The following SUPT3H variants were observed in gnomAD, a reference collection of about 807,000 sequenced individuals.
SUPT3H encodes SPT3 homolog, SAGA and STAGA complex component.
Under a neutral mutation model 44.3 loss-of-function variants are expected in SUPT3H, and 44 were observed. The observed-to-expected ratio is 0.99, with a 90% CI of 0.78 to 1.28. The LOEUF (loss-of-function observed/expected upper bound fraction) is 1.28, where lower values mean the gene tolerates loss of function less well. Among genes scored for constraint, SUPT3H ranks in the 50% most tolerant of loss-of-function variants. The pLI is 0.00. For synonymous variants in SUPT3H, 124 were observed against 125.6 expected, an observed-to-expected ratio of 0.99 and a Z score of 0.09; for missense variants, 380 against 387.1, an observed-to-expected ratio of 0.98 and a Z score of 0.15.
At chr6:45,049,390 A>G (rs969464855) in intron 3 of SUPT3H, among the ~76,000 whole-genome samples, 12 of 152,194 alleles carry the variant, frequency 7.9e-5, no homozygotes, top group African/African-American at 2.7e-4. Flanking sequence ...ACTCATTCAC[A>G]GGGATAAAAA....
chr6:45,034,211 G>T (rs1351883058), intron 3 of SUPT3H, among the ~76,000 whole-genome samples: 3 of 151,952 alleles, frequency 2.0e-5, no homozygotes, highest in African/African-American at 7.3e-5. Context: ...GGATTAAGGG[G>T]GAATTAGCTG....
At chr6:45,047,854 G>C (rs1028161219) in intron 3 of SUPT3H, among the ~76,000 whole-genome samples, 2 of 151,644 alleles carry the variant, frequency 1.3e-5, no homozygotes, top group Non-Finnish European at 2.9e-5. Context: ...GTGATGTTCA[G>C]TAATTTTTCA....
At chr6:45,350,951 G>A (rs1413161507) in intron 2 of SUPT3H, among the ~76,000 whole-genome samples, 1 of 152,170 alleles carries the variant, frequency 6.6e-6, no homozygotes, top group East Asian at 1.9e-4. Flanking sequence ...TGTCAGATCA[G>A]TAGCAGCATT....
chr6:45,229,528 T>C (rs1250267163), intron 2 of SUPT3H, among the ~76,000 whole-genome samples: 4 of 152,162 alleles, frequency 2.6e-5, no homozygotes. Context: ...GTTCTATATA[T>C]ATATAATCTT....
intron 3 of SUPT3H, among the ~76,000 whole-genome samples, chr6:45,058,042 T>C (rs545647851): frequency 1.3e-4 from 20 of 152,302 alleles, no homozygotes; most frequent in African/African-American, 4.1e-4. Flanking sequence ...GTTAAAAGTA[T>C]CTTTTTAGAC....
intron 10 of SUPT3H, among the ~76,000 whole-genome samples, chr6:44,868,448 C>A (rs1775847575): frequency 6.6e-6 from 1 of 152,194 alleles, no homozygotes. Flanking sequence ...TCACCATCTA[C>A]CTGCCTGGAT....
At chr6:45,038,241 A>C (rs1286585974) in intron 3 of SUPT3H, among the ~76,000 whole-genome samples, 29 of 152,196 alleles carry the variant, frequency 1.9e-4, no homozygotes, top group Admixed American at 1.9e-3. Flanking sequence ...GGGCCCAAAG[A>C]GAAACTGCTA....
At chr6:45,265,734 G>A (rs528732188) in intron 2 of SUPT3H, among the ~76,000 whole-genome samples, 2 of 152,124 alleles carry the variant, frequency 1.3e-5, no homozygotes, top group Non-Finnish European at 2.9e-5. Flanking sequence ...TAAAATTAGT[G>A]TGTTCCCTGC....
intron 2 of SUPT3H, among the ~76,000 whole-genome samples, chr6:45,207,336 C>A (rs1392462161): frequency 6.6e-6 from 1 of 152,034 alleles, no homozygotes; most frequent in African/African-American, 2.4e-5. Flanking sequence ...CAGTGGTGAA[C>A]CTGAGAAGAG....
At chr6:44,917,736 TTG>T (rs1768037598) in intron 10 of SUPT3H, among the ~76,000 whole-genome samples, 1 of 152,190 alleles carries the variant, frequency 6.6e-6, no homozygotes, top group African/African-American at 2.4e-5. Flanking sequence ...TTACAATAGT[TTG>T]TGAACTACGA....
chr6:45,350,998 G>A (rs1791894214), intron 2 of SUPT3H, among the ~76,000 whole-genome samples: 1 of 152,060 alleles, frequency 6.6e-6, no homozygotes, highest in Non-Finnish European at 1.5e-5. Context: ...CACACGCGAA[G>A]GATCTAAGTT....
intron 2 of SUPT3H, among the ~76,000 whole-genome samples, chr6:45,274,565 T>C (rs1327449613): frequency 6.6e-6 from 1 of 152,202 alleles, no homozygotes; most frequent in Non-Finnish European, 1.5e-5. Flanking sequence ...CCCTTTTGAA[T>C]TATTTCAGAA....
At chr6:44,999,324 T>G (rs1406829035) in intron 6 of SUPT3H, among the ~76,000 whole-genome samples, 1 of 152,010 alleles carries the variant, frequency 6.6e-6, no homozygotes, top group African/African-American at 2.4e-5. Flanking sequence ...AGGTTGGACT[T>G]GAACTCCTAG....
chr6:44,827,495 T>C lies in SUPT3H; in HGVS notation c.*2321A>G, dbSNP rs1767894747. ...GATCTTAGGAAACTCACTTTCCCTC[T>C]CTAGGCCATGGTTTTTTCATTTGCA... On this transcript the variant is annotated 3_prime_UTR_variant, in exon 11 of 11. Transcript: ENST00000371459. 6.6e-6 allele frequency among the ~76,000 whole-genome samples: 1 copy of C among 152,078 alleles called. No homozygotes were observed. Among genetic ancestry groups the C allele is most frequent in the African/African-American group, 2.4e-5 (1 of 41,448 alleles).
At chr6:44,926,778 G>A (rs541036259) in intron 10 of SUPT3H, among the ~76,000 whole-genome samples, 2 of 152,242 alleles carry the variant, frequency 1.3e-5, no homozygotes, top group Admixed American at 1.3e-4. Flanking sequence ...GTACAGTGCA[G>A]TGCATGATGC....
chr6:45,075,811 A>T (rs1794936775), intron 3 of SUPT3H, among the ~76,000 whole-genome samples: 2 of 152,150 alleles, frequency 1.3e-5, no homozygotes, highest in South Asian at 4.1e-4. Context: ...TAAGGGAAAA[A>T]AAAAGAAGTC....
intron 2 of SUPT3H, among the ~76,000 whole-genome samples, chr6:45,301,463 T>C (rs1264035604): frequency 2.0e-5 from 3 of 152,196 alleles, no homozygotes; most frequent in Non-Finnish European, 4.4e-5. Context: ...TTTCTCTTAT[T>C]GTTTTGGGTC....
intron 2 of SUPT3H, among the ~76,000 whole-genome samples, chr6:45,266,662 A>T (rs1562826650): frequency 6.6e-6 from 1 of 152,074 alleles, no homozygotes; most frequent in Non-Finnish European, 1.5e-5. Context: ...AACTTTTTAA[A>T]ATCTTCTCAT....
At chr6:44,933,808 TA>T (rs1456095853) in intron 9 of SUPT3H, among the ~76,000 whole-genome samples, 3 of 151,918 alleles carry the variant, frequency 2.0e-5, no homozygotes, top group South Asian at 2.1e-4. Context: ...CACATATGGC[TA>T]AAAAAAAGGA....
Sources: gnomAD v4.1 joint callset for allele counts (sites outside exome capture counted in the v4.1 genomes callset) on GRCh38, gnomAD v4.1.1 for gene constraint, MANE v1.5 for transcripts, NCBI Gene and HGNC (gene_info 2026-07-23, HGNC 2026-07-21) for gene names.